Variants in APBB2 observed in about 807,000 individuals in gnomAD.
APBB2 encodes the protein Fe65-like 1.
A neutral mutation model predicts 82.5 loss-of-function variants in APBB2; 38 were observed. The observed-to-expected ratio is 0.46, with a 90% CI of 0.36 to 0.60. The LOEUF (loss-of-function observed/expected upper bound fraction) is 0.60, where lower values mean the gene tolerates loss of function less well. Among genes scored for constraint, APBB2 ranks in the 20% least tolerant of loss-of-function variants. APBB2 has a pLI of 0.00. For missense variants in APBB2, 772 were observed against 972.3 expected (o/e 0.79, Z 2.74); for synonymous variants, 341 against 368.2 (o/e 0.93, Z 0.85).
At chr4:40,871,738 GCA>G (rs776149456) in intron 12 of APBB2, among the ~76,000 whole-genome samples, 1 of 152,140 alleles carries the variant, frequency 6.6e-6, no homozygotes, top group Non-Finnish European at 1.5e-5. Flanking sequence ...GTCAAAACAT[GCA>G]CAGAGTTCTG....
At chr4:41,198,451 C>T in intron 1 of APBB2, among the ~76,000 whole-genome samples, 1 of 152,312 alleles carries the variant, frequency 6.6e-6, no homozygotes, top group Admixed American at 6.5e-5. Flanking sequence ...GCAGCAAGCA[C>T]TGTTCAAAGT....
At chr4:40,922,786 T>C (rs1460127554) in intron 10 of APBB2, among the ~76,000 whole-genome samples, 1 of 115,556 alleles carries the variant, frequency 8.7e-6, no homozygotes, top group African/African-American at 5.6e-5. Flanking sequence ...AAATTTTGTA[T>C]TTTTTTTTTT....
At chr4:41,088,501 T>A (rs1243498407) in intron 3 of APBB2, among the ~76,000 whole-genome samples, 1 of 152,226 alleles carries the variant, frequency 6.6e-6, no homozygotes, top group African/African-American at 2.4e-5. Context: ...GGATTTCCCA[T>A]TTTCAATTAT....
chr4:41,082,133 TCAGGAGGGGC>T (rs1467052122), intron 3 of APBB2, among the ~76,000 whole-genome samples: 3 of 152,170 alleles, frequency 2.0e-5, no homozygotes, highest in Non-Finnish European at 1.5e-5. Context: ...TATGGATAGG[TCAGGAGGGGC>T]CATTTTCTGT....
chr4:41,039,835 C>CA (rs11441799), intron 4 of APBB2, among the ~76,000 whole-genome samples: 68,758 of 138,968 alleles, frequency 0.49, 16,978 homozygotes, highest in East Asian at 0.7. Context: ...GACCTTGTCT[C>CA]AAAAAAAAAA....
intron 4 of APBB2, among the ~76,000 whole-genome samples, chr4:41,063,582 C>A (rs1730595522): frequency 1.3e-5 from 2 of 152,188 alleles, no homozygotes; most frequent in Non-Finnish European, 2.9e-5. Context: ...TATCAGCTAT[C>A]CCTCCCTACT....
intron 12 of APBB2, among the ~76,000 whole-genome samples, chr4:40,852,990 T>C (rs936088863): frequency 3.9e-5 from 6 of 152,208 alleles, no homozygotes; most frequent in African/African-American, 9.7e-5. Flanking sequence ...AGTTGTTCCA[T>C]GGCTTAATAA....
intron 12 of APBB2, among the ~76,000 whole-genome samples, chr4:40,851,738 A>ATATATATATATATATAT (rs1192919460): frequency 3.0e-5 from 2 of 67,740 alleles, no homozygotes; most frequent in African/African-American, 9.9e-5. Context: ...ATATATATAT[A>ATATATATATATATATAT]TTTTTTTTTT....
chr4:40,878,068 C>G (rs186382668), intron 12 of APBB2, among the ~76,000 whole-genome samples: 3 of 148,318 alleles, frequency 2.0e-5, no homozygotes, highest in African/African-American at 7.3e-5. Context: ...GCAATCAGGC[C>G]GGACTCGGTG....
At chr4:41,174,048 A>G (rs1769070317) in intron 1 of APBB2, among the ~76,000 whole-genome samples, 1 of 152,218 alleles carries the variant, frequency 6.6e-6, no homozygotes, top group African/African-American at 2.4e-5. Flanking sequence ...TGTTCACACG[A>G]TTCTCGTTTA....
chr4:41,188,617 G>C (rs191541024), intron 1 of APBB2, among the ~76,000 whole-genome samples: 1 of 152,174 alleles, frequency 6.6e-6, no homozygotes, highest in East Asian at 1.9e-4. Context: ...CCAGCTTCCC[G>C]AACTGTGAGA....
At chr4:40,897,119 T>G (rs1307315890) in intron 10 of APBB2, among the ~76,000 whole-genome samples, 1 of 152,196 alleles carries the variant, frequency 6.6e-6, no homozygotes, top group Non-Finnish European at 1.5e-5. Context: ...AGATGACAAA[T>G]ATTTTGATCT....
chr4:41,057,016 T>A (rs939184589), intron 4 of APBB2, among the ~76,000 whole-genome samples: 7 of 152,126 alleles, frequency 4.6e-5, no homozygotes, highest in African/African-American at 1.4e-4. Context: ...GAGAGGGGGA[T>A]CAACTTTCCC....
intron 17 of APBB2, 117 bp downstream of exon 17, chr4:40,821,754 G>A: frequency 6.8e-6 from 8 of 1,183,804 alleles, no homozygotes; most frequent in South Asian, 1.5e-5. Flanking sequence ...ATAAAGTAAA[G>A]CATTACTTTA....
intron 15 of APBB2, among the ~76,000 whole-genome samples, chr4:40,825,275 T>C (rs1181011418): frequency 6.6e-6 from 1 of 152,258 alleles, no homozygotes; most frequent in Non-Finnish European, 1.5e-5. Context: ...ATGTTTCACC[T>C]TCTGAAGAAT....
chr4:41,128,651 C>T (rs1292683144), intron 2 of APBB2, among the ~76,000 whole-genome samples: 1 of 152,152 alleles, frequency 6.6e-6, no homozygotes, highest in African/African-American at 2.4e-5. Flanking sequence ...TACTCTGTAT[C>T]AGGCAGTGTT....
intron 10 of APBB2, 120 bp from the exon 11 acceptor site, chr4:40,893,531 T>C: frequency 1.1e-6 from 1 of 878,732 alleles, no homozygotes; most frequent in Non-Finnish European, 1.6e-6. Flanking sequence ...ATTTGCTTCA[T>C]TATGTTCAAT....
chr4:41,087,226 AGT>A (rs1300173383), intron 3 of APBB2, among the ~76,000 whole-genome samples: 1 of 152,232 alleles, frequency 6.6e-6, no homozygotes, highest in East Asian at 1.9e-4. Flanking sequence ...AGTATCATTA[AGT>A]CATCTATACT....
chr4:40,958,032 G>T (rs1399869666), intron 6 of APBB2, among the ~76,000 whole-genome samples: 1 of 152,110 alleles, frequency 6.6e-6, no homozygotes, highest in Non-Finnish European at 1.5e-5. Context: ...AAAACTAAAA[G>T]GCATGAAATG....
Sources: gnomAD v4.1 joint callset for allele counts (sites outside exome capture counted in the v4.1 genomes callset) on GRCh38, gnomAD v4.1.1 for gene constraint, MANE v1.5 for transcripts, NCBI Gene and HGNC (gene_info 2026-07-23, HGNC 2026-07-21) for gene names.